PACSIN2: variants seen among roughly 807,000 people sequenced by gnomAD.
PACSIN2 encodes protein kinase C and casein kinase substrate in neurons protein 2.
A neutral mutation model predicts 63.8 loss-of-function variants in PACSIN2; 25 were observed. The observed-to-expected ratio is 0.39, with a 90% CI of 0.29 to 0.55. The LOEUF (loss-of-function observed/expected upper bound fraction) is 0.55. Ranked by LOEUF, PACSIN2 falls within the 20% of genes least tolerant of loss-of-function variation. The pLI is 0.62. For missense variants in PACSIN2, 518 were observed against 646.9 expected (o/e 0.80, Z 2.16); for synonymous variants, 255 against 256.2 (o/e 1.00, Z 0.05).
intron 1 of PACSIN2, among the ~76,000 whole-genome samples, chr22:42,944,334 CA>C (rs1933312458): frequency 6.6e-6 from 1 of 152,202 alleles, no homozygotes; most frequent in African/African-American, 2.4e-5. Context: ...AAATATAATA[CA>C]ACAAATTCCC....
At position 42,890,985 on chromosome 22, in the gene PACSIN2, G is replaced by A. The variant is rs559889047; in HGVS notation, c.415C>T (p.Arg139Trp). ...TTGGCCCAGGGCTTCTGTGCCTTCC[G>A]AAAGCCGTCCTCAGCTTCCTTGGTC... is the stretch of plus-strand genomic sequence containing the variant. ...KETKEAEDGF[R>W]KAQKPWAKKL... Residue 139 changes from arginine (R) to tryptophan (W), a missense_variant, in exon 4 of 11, where the codon CGG (arginine) becomes TGG (tryptophan). Arg to Trp is a moderately radical substitution (Grantham distance 101). Transcript: ENST00000263246. 3 of 1,614,122 alleles carry A rather than the reference G, an allele frequency of 1.9e-6. No individual in the cohort carries two copies. The highest frequency in any genetic ancestry group is 1.7e-5 in the Admixed American group (1 of 60,024).
At position 42,878,927 on chromosome 22, in the gene PACSIN2, C is replaced by A. The variant is rs964967295; in HGVS notation, c.1028+121G>T. ...GGTGTCCAGGCTGGGCCACGGCCCA[C>A]AGAGCTCAGGAGCCCAGGAACCTCC... is the stretch of plus-strand genomic sequence containing the variant. On this transcript the variant is annotated intron_variant, in intron 8 of 10. Transcript: ENST00000263246. 16 of 1,191,260 alleles carry A rather than the reference C, an allele frequency of 1.3e-5. No individual in the cohort carries two copies. The East Asian group carries it at 1.8e-4, about 14-fold the overall frequency. The allele number at this position is 1,191,260 out of a possible 1,614,324, so 73.8% of individuals were successfully genotyped here.
chr22:42,970,959 C>T (rs886263234), intron 1 of PACSIN2, among the ~76,000 whole-genome samples: 6 of 152,186 alleles, frequency 3.9e-5, no homozygotes, highest in African/African-American at 1.4e-4. Flanking sequence ...CCCCCAGCCT[C>T]TCCACAGCCC....
chr22:42,913,861 A>C (rs1931633045), intron 1 of PACSIN2, among the ~76,000 whole-genome samples: 1 of 152,198 alleles, frequency 6.6e-6, no homozygotes, highest in African/African-American at 2.4e-5. Flanking sequence ...TTCCAAAAAC[A>C]ATCTCAAAGT....
rs891623720 is a variant in PACSIN2 at position 42,935,162 on chromosome 22, T to C, written c.-77-23005A>G. On this transcript the variant is annotated intron_variant, in intron 1 of 10. Coordinates refer to ENST00000263246, the MANE Select transcript of PACSIN2 (RefSeq NM_001184970.3). ...GGATGGTCTCGATCTCCTGACCTCA[T>C]GATCTGCCCGTCTCGGCCTCCCAAA... Among the ~76,000 whole-genome samples the C allele has an allele frequency of 7.9e-5, 12 of 151,928 alleles. No homozygotes were observed. In the South Asian group the frequency reaches 1.7e-3, roughly 21 times the overall value.
chr22:42,967,745 G>A (rs984383598), intron 1 of PACSIN2, among the ~76,000 whole-genome samples: 8 of 152,090 alleles, frequency 5.3e-5, no homozygotes, highest in Non-Finnish European at 8.8e-5. Flanking sequence ...AAAATTAGCC[G>A]GGCGTGGGGG....
intron 10 of PACSIN2, among the ~76,000 whole-genome samples, chr22:42,874,085 C>T (rs1928384529): frequency 1.3e-5 from 2 of 152,074 alleles, no homozygotes; most frequent in African/African-American, 2.4e-5. Flanking sequence ...CCATCGTGCC[C>T]GGACAAGATA....
At chr22:43,013,431 A>C (rs1343991500) in intron 1 of PACSIN2, among the ~76,000 whole-genome samples, 1 of 152,076 alleles carries the variant, frequency 6.6e-6, no homozygotes, top group Admixed American at 6.6e-5. Context: ...TCTAGAATTA[A>C]GTTTAAGTCC....
chr22:42,875,741 G>A (rs960018319), intron 10 of PACSIN2, among the ~76,000 whole-genome samples: 1 of 152,120 alleles, frequency 6.6e-6, no homozygotes, highest in African/African-American at 2.4e-5. Flanking sequence ...TCACCATGTT[G>A]GTTAGGCTGG....
At chr22:42,961,447 T>TA (rs10678680) in intron 1 of PACSIN2, among the ~76,000 whole-genome samples, 8,827 of 121,138 alleles carry the variant, frequency 0.073, 944 homozygotes, top group African/African-American at 0.24. Flanking sequence ...AATGATCAAT[T>TA]AAAAAAAAAA....
chr22:42,968,138 C>T (rs1601589024), intron 1 of PACSIN2, among the ~76,000 whole-genome samples: 1 of 152,182 alleles, frequency 6.6e-6, no homozygotes, highest in African/African-American at 2.4e-5. Context: ...CTGGCTCCCT[C>T]TGACGGCCGA....
chr22:42,878,850 G>A (rs1928845828), intron 8 of PACSIN2, among the ~76,000 whole-genome samples, 198 bp downstream of exon 8: 1 of 152,228 alleles, frequency 6.6e-6, no homozygotes, highest in African/African-American at 2.4e-5. Flanking sequence ...ACCTTCCCTG[G>A]AGATGCCCCT....
intron 1 of PACSIN2, among the ~76,000 whole-genome samples, chr22:42,946,513 G>A (rs559472675): frequency 6.6e-6 from 1 of 152,204 alleles, no homozygotes; most frequent in Non-Finnish European, 1.5e-5. Flanking sequence ...TCGCACCACT[G>A]CACTCCAGCC....
chr22:42,904,078 T>C lies in PACSIN2; in HGVS notation c.60+7943A>G, dbSNP rs531360247. 7.2e-5 allele frequency among the ~76,000 whole-genome samples: 11 copies of C among 152,154 alleles called. No homozygotes were observed. The East Asian group carries it at 1.4e-3, about 19-fold the overall frequency. On this transcript the variant is annotated intron_variant, in intron 2 of 10. Transcript: ENST00000263246. ...AATAGATGACACAGAAACCCAGAAA[T>C]TGCAATTTTCAGATCCTAACTCCAA...
intron 1 of PACSIN2, among the ~76,000 whole-genome samples, chr22:42,912,806 T>G (rs1375116540): frequency 1.3e-5 from 2 of 152,232 alleles, no homozygotes; most frequent in Non-Finnish European, 2.9e-5. Context: ...GAGATGAAAC[T>G]GTCTGACTTT....
chr22:42,926,834 C>A (rs1454984328), intron 1 of PACSIN2, among the ~76,000 whole-genome samples: 1 of 151,248 alleles, frequency 6.6e-6, no homozygotes, highest in African/African-American at 2.4e-5. Context: ...CATAGAGAGA[C>A]CCTATCTCTT....
chr22:42,958,979 G>A (rs940397601), intron 1 of PACSIN2, among the ~76,000 whole-genome samples: 5 of 152,144 alleles, frequency 3.3e-5, no homozygotes, highest in African/African-American at 4.8e-5. Flanking sequence ...AATTGAATAC[G>A]TACATAAGGC....
chr22:42,999,776 G>A (rs1208324034), intron 1 of PACSIN2, among the ~76,000 whole-genome samples: 4 of 152,186 alleles, frequency 2.6e-5, no homozygotes, highest in African/African-American at 7.2e-5. Flanking sequence ...CCACTGTGGG[G>A]GACCACCAGT....
At chr22:42,949,232 A>C (rs1462784522) in intron 1 of PACSIN2, among the ~76,000 whole-genome samples, 2 of 152,238 alleles carry the variant, frequency 1.3e-5, no homozygotes, top group East Asian at 1.9e-4. Flanking sequence ...ACAGAGTAGG[A>C]ATTTAAATGA....
Sources: gnomAD v4.1 joint callset for allele counts (sites outside exome capture counted in the v4.1 genomes callset) on GRCh38, gnomAD v4.1.1 for gene constraint, MANE v1.5 for transcripts, NCBI Gene and HGNC (gene_info 2026-07-23, HGNC 2026-07-21) for gene names.